CDKAL1: variants seen among roughly 807,000 people sequenced by gnomAD.
The protein encoded by CDKAL1 is threonylcarbamoyladenosine tRNA methylthiotransferase.
In CDKAL1, 32 loss-of-function variants were observed where a neutral mutation model predicts 68.2. The ratio of observed to expected loss-of-function variants is 0.47; its 90% confidence interval spans 0.35 to 0.63. The LOEUF is 0.63. CDKAL1 is among the 30% of genes least tolerant of loss of function. The pLI is 0.00. For synonymous variants in CDKAL1, 234 were observed against 244.3 expected, an observed-to-expected ratio of 0.96 and a Z score of 0.39; for missense variants, 606 against 696.7, an observed-to-expected ratio of 0.87 and a Z score of 1.47.
chr6:20,953,911 G>A (rs1274268719), intron 9 of CDKAL1, among the ~76,000 whole-genome samples: 2 of 152,024 alleles, frequency 1.3e-5, no homozygotes, highest in Admixed American at 1.3e-4. Flanking sequence ...AATGTATTGA[G>A]CTTTTTATTT....
chr6:20,715,273 C>G (rs11963770), intron 5 of CDKAL1, among the ~76,000 whole-genome samples: 5 of 152,114 alleles, frequency 3.3e-5, no homozygotes, highest in African/African-American at 7.2e-5. Context: ...ACCCTCCCCC[C>G]ACCTTTTTAA....
chr6:21,102,026 T>A (rs1477130556), intron 12 of CDKAL1, among the ~76,000 whole-genome samples: 3 of 152,184 alleles, frequency 2.0e-5, no homozygotes, highest in Non-Finnish European at 4.4e-5. Context: ...TTGAGCTTTA[T>A]CTTTAACACC....
intron 9 of CDKAL1, among the ~76,000 whole-genome samples, chr6:20,928,617 C>T (rs984132943): frequency 1.1e-4 from 17 of 150,786 alleles, no homozygotes; most frequent in African/African-American, 3.9e-4. Flanking sequence ...TAAAGTAAGA[C>T]AGTATTGAAA....
intron 11 of CDKAL1, among the ~76,000 whole-genome samples, chr6:21,055,717 C>A (rs989774858): frequency 2.0e-5 from 3 of 152,180 alleles, no homozygotes; most frequent in Admixed American, 2.0e-4. Flanking sequence ...CTTTTTATGG[C>A]TGTATAGTAT....
At chr6:20,895,125 C>G (rs1761612967) in intron 9 of CDKAL1, among the ~76,000 whole-genome samples, 1 of 152,058 alleles carries the variant, frequency 6.6e-6, no homozygotes, top group Non-Finnish European at 1.5e-5. Context: ...TTTATACTCT[C>G]AAATATTTTG....
chr6:20,544,550 C>T (rs1015817177), intron 2 of CDKAL1, among the ~76,000 whole-genome samples: 16 of 131,390 alleles, frequency 1.2e-4, no homozygotes, highest in Admixed American at 1.8e-4. Context: ...GAGTCGAGAT[C>T]GCGCCACTGC....
intron 10 of CDKAL1, among the ~76,000 whole-genome samples, chr6:20,966,692 C>G (rs1424447974): frequency 6.6e-6 from 1 of 152,062 alleles, no homozygotes; most frequent in Non-Finnish European, 1.5e-5. Context: ...AAGTCTGTTT[C>G]TAATATATGG....
intron 11 of CDKAL1, among the ~76,000 whole-genome samples, chr6:21,012,543 T>C (rs1455459682): frequency 6.6e-6 from 1 of 152,022 alleles, no homozygotes; most frequent in Admixed American, 6.6e-5. Flanking sequence ...TAAAATAGAA[T>C]GGAAATAAGA....
In CDKAL1 at chr6:21,231,306, C is replaced by G. The variant is rs996420950; in HGVS notation, c.*267C>G. On this transcript the variant is annotated 3_prime_UTR_variant, in exon 16 of 16. Transcript: ENST00000274695. ...GTTTACTTTTAGCAAGAAATGCAAG[C>G]GGTTGCATTTTTTTCTGTTTGTTTC... is the stretch of plus-strand genomic sequence containing the variant. 2 of 280,856 alleles carry G rather than the reference C, an allele frequency of 7.1e-6. No individual in the cohort carries two copies. The highest frequency in any genetic ancestry group is 5.4e-5 in the Admixed American group (1 of 18,566). The allele number at this position is 280,856 out of a possible 1,614,324, so 17.4% of individuals were successfully genotyped here.
chr6:21,186,243 A>G lies in CDKAL1; in HGVS notation c.1300-11778A>G, dbSNP rs186480078. Reference sequence around the variant, plus strand: ...AATCTTTTCTGCTTCCTCAGCCTCAATCCTGACTGGCAAATGGTTGAAAGA... The same window carrying G: ...AATCTTTTCTGCTTCCTCAGCCTCAGTCCTGACTGGCAAATGGTTGAAAGA... On this transcript the variant is annotated intron_variant, in intron 13 of 15. Transcript: ENST00000274695. Among the ~76,000 whole-genome samples, 14 of 152,150 alleles carry G rather than the reference A, an allele frequency of 9.2e-5. No homozygotes were observed. In the East Asian group the frequency reaches 2.5e-3, roughly 27 times the overall value.
chr6:20,792,883 T>C (rs576945427), intron 8 of CDKAL1, among the ~76,000 whole-genome samples: 1 of 152,348 alleles, frequency 6.6e-6, no homozygotes, highest in African/African-American at 2.4e-5. Context: ...AATTTTGTTT[T>C]AGTCTACATG....
chr6:20,707,587 C>T (rs891316764), intron 5 of CDKAL1, among the ~76,000 whole-genome samples: 1 of 152,170 alleles, frequency 6.6e-6, no homozygotes, highest in Non-Finnish European at 1.5e-5. Context: ...AACTGGAATA[C>T]TTTTGTCAGT....
At chr6:20,548,496 G>A in intron 3 of CDKAL1, 97 bp from the exon 4 acceptor site, 2 of 688,490 alleles carry the variant, frequency 2.9e-6, no homozygotes, top group Non-Finnish European at 5.2e-6. Flanking sequence ...TCACACAGCT[G>A]CACTGCAGCC....
chr6:20,563,899 T>C (rs1764362181), intron 4 of CDKAL1, among the ~76,000 whole-genome samples: 1 of 152,194 alleles, frequency 6.6e-6, no homozygotes, highest in East Asian at 1.9e-4. Context: ...ATTATATAAC[T>C]TGGCTCATTA....
chr6:21,094,656 A>T (rs984949058), intron 12 of CDKAL1, among the ~76,000 whole-genome samples: 2 of 152,258 alleles, frequency 1.3e-5, no homozygotes, highest in Non-Finnish European at 2.9e-5. Flanking sequence ...GGAATTTAAA[A>T]CATAAAAGTA....
intron 11 of CDKAL1, among the ~76,000 whole-genome samples, chr6:21,054,358 C>G (rs1017294367): frequency 6.6e-6 from 1 of 152,080 alleles, no homozygotes; most frequent in Non-Finnish European, 1.5e-5. Flanking sequence ...ATTATTGGAG[C>G]TTTATAGTTA....
chr6:20,959,936 T>G (rs1480403040), intron 10 of CDKAL1, among the ~76,000 whole-genome samples: 2 of 152,264 alleles, frequency 1.3e-5, no homozygotes, highest in African/African-American at 2.4e-5. Context: ...AAGGTTCACA[T>G]GAGACCAGTG....
rs190998104 is a variant in CDKAL1, at chr6:21,181,889, T to C, written c.1300-16132T>C. Among the ~76,000 whole-genome samples, 3 of 152,364 alleles carry C rather than the reference T, an allele frequency of 2.0e-5. No individual in the cohort carries two copies. In the East Asian group the frequency reaches 5.8e-4, roughly 29 times the overall value. On this transcript the variant is annotated intron_variant, in intron 13 of 15. Coordinates refer to ENST00000274695, the MANE Select transcript of CDKAL1 (RefSeq NM_017774.3). ...TTTACTGTACTGATAGACTACCTGTTATTAATGGTCATTACAGTACCTCTT... is the reference window on the plus strand; with the variant it reads ...TTTACTGTACTGATAGACTACCTGTCATTAATGGTCATTACAGTACCTCTT...
At chr6:20,986,529 T>G (rs1554153082) in intron 10 of CDKAL1, among the ~76,000 whole-genome samples, 1 of 151,558 alleles carries the variant, frequency 6.6e-6, no homozygotes, top group Non-Finnish European at 1.5e-5. Context: ...ATTTTATGCG[T>G]TTTTTTTCTA....
Sources: allele counts gnomAD v4.1 joint callset (sites outside exome capture counted in the v4.1 genomes callset), GRCh38; gene constraint gnomAD v4.1.1; transcripts MANE v1.5; gene names NCBI Gene and HGNC (gene_info 2026-07-23, HGNC 2026-07-21).